Variants in CPSF3 observed in about 807,000 individuals in gnomAD.
CPSF3 encodes the protein cleavage and polyadenylation specificity factor subunit 3.
In CPSF3, 57 loss-of-function variants were observed where a neutral mutation model predicts 84.1. That is an observed-to-expected ratio of 0.68 (90% confidence interval 0.55 to 0.85). The LOEUF (loss-of-function observed/expected upper bound fraction) is 0.85, where lower values mean the gene tolerates loss of function less well. CPSF3 is among the 40% of genes least tolerant of loss of function. CPSF3 has a pLI of 0.00. For missense variants in CPSF3, 522 were observed against 838.8 expected, an observed-to-expected ratio of 0.62 and a Z score of 4.66; for synonymous variants, 275 against 278.1, an observed-to-expected ratio of 0.99 and a Z score of 0.11.
At chr2:9,439,742 A>C (rs1680907664) in intron 7 of CPSF3, among the ~76,000 whole-genome samples, 1 of 152,032 alleles carries the variant, frequency 6.6e-6, no homozygotes, top group Non-Finnish European at 1.5e-5. Context: ...TAATCCCAGC[A>C]CTTTGGGAAG....
chr2:9,472,722 C>T (rs1247521999), intron 17 of CPSF3, among the ~76,000 whole-genome samples, 194 bp from the exon 18 acceptor site: 2 of 152,134 alleles, frequency 1.3e-5, no homozygotes, highest in Non-Finnish European at 2.9e-5. Flanking sequence ...GGTGCAGTCA[C>T]AGCTCACTGC....
intron 1 of CPSF3, chr2:9,424,185 T>C (rs958031036): frequency 7.7e-6 from 8 of 1,032,390 alleles, no homozygotes; most frequent in African/African-American, 1.7e-5. Flanking sequence ...CCGGTGAAGC[T>C]TATGACCGAC....
chr2:9,431,216 C>T (rs1027892065), intron 4 of CPSF3, among the ~76,000 whole-genome samples: 1 of 152,156 alleles, frequency 6.6e-6, no homozygotes, highest in African/African-American at 2.4e-5. Flanking sequence ...GCCACCACAC[C>T]CAGCAGAGTT....
chr2:9,446,017 A>G (rs1681113717), intron 10 of CPSF3, among the ~76,000 whole-genome samples: 1 of 152,250 alleles, frequency 6.6e-6, no homozygotes, highest in African/African-American at 2.4e-5. Flanking sequence ...CACTTGGTCA[A>G]GGTTACACAG....
chr2:9,459,139 C>T (rs1336610102), intron 14 of CPSF3, among the ~76,000 whole-genome samples: 1 of 151,940 alleles, frequency 6.6e-6, no homozygotes, highest in Non-Finnish European at 1.5e-5. Context: ...ACCCTCTTCG[C>T]ATTCTGTCTG....
At chr2:9,426,898 T>C (rs1359535140) in intron 1 of CPSF3, among the ~76,000 whole-genome samples, 1 of 133,584 alleles carries the variant, frequency 7.5e-6, no homozygotes, top group Non-Finnish European at 1.6e-5. Context: ...AAGACTGAAA[T>C]GACTACTGAG....
At chr2:9,467,682 T>C (rs1049577599) in intron 15 of CPSF3, 25 bp from the exon 16 acceptor site, 1 of 1,566,690 alleles carries the variant, frequency 6.4e-7, no homozygotes, top group Non-Finnish European at 8.7e-7. Context: ...GAAACTGAAC[T>C]CTCTGTCGCT....
chr2:9,429,748 A>T (rs1680512879), intron 2 of CPSF3, among the ~76,000 whole-genome samples, 175 bp from the exon 3 acceptor site: 1 of 152,228 alleles, frequency 6.6e-6, no homozygotes, highest in Admixed American at 6.5e-5. Context: ...TTTGTTGGGA[A>T]GTTAGAATTG....
chr2:9,435,889 C>T (rs1289863549), intron 6 of CPSF3, among the ~76,000 whole-genome samples: 3 of 151,930 alleles, frequency 2.0e-5, no homozygotes, highest in Non-Finnish European at 2.9e-5. Flanking sequence ...CCCACCACCA[C>T]GCCCAGCTTA....
chr2:9,427,272 G>A (rs1680426317), intron 1 of CPSF3, among the ~76,000 whole-genome samples: 1 of 152,198 alleles, frequency 6.6e-6, no homozygotes, highest in Non-Finnish European at 1.5e-5. Flanking sequence ...AGACAGATGT[G>A]GGCAGGTTGG....
At position 9,443,564 on chromosome 2, in the gene CPSF3, T is replaced by A. The variant is rs1558455464; in HGVS notation, c.1145T>A (p.Leu382Ter). ...EEITTMSGQK[L>*]PLKMSVDYIS... Reference sequence around the variant, plus strand: ...ATCACTACTATGTCTGGACAGAAGTTACCACTGAAAATGTCTGTTGATTAC... The same window carrying A: ...ATCACTACTATGTCTGGACAGAAGTAACCACTGAAAATGTCTGTTGATTAC... The change falls in exon 10 of 18, where the codon TTA becomes TAA. Residue 382 changes from leucine to a stop codon, truncating the protein, a stop_gained. Transcript: ENST00000238112. LOFTEE classifies it high-confidence loss of function. 1.2e-6 allele frequency: 2 copies of A among 1,614,070 alleles called. No individual in the cohort carries two copies. Among genetic ancestry groups the A allele is most frequent in the African/African-American group, 2.7e-5 (2 of 74,938 alleles).
rs145195961 is a variant in CPSF3, at chr2:9,472,984, G to A, written c.2022G>A (p.Gln674=). The A allele has an allele frequency of 3.7e-6, 6 of 1,613,688 alleles. No homozygotes were observed. Among genetic ancestry groups the A allele is most frequent in the Non-Finnish European group, 5.1e-6 (6 of 1,179,866 alleles). Residue 674 remains glutamine (Q), a synonymous_variant, in exon 18 of 18, where the codon CAG becomes CAA. Transcript: ENST00000238112. ...SLREMVELAA[Q]RLYEALTPVH ...GAGAAATGGTGGAGCTGGCTGCACA[G>A]AGACTGTACGAGGCCCTGACGCCAG...
intron 15 of CPSF3, among the ~76,000 whole-genome samples, chr2:9,466,226 A>G (rs1339732086): frequency 1.0e-4 from 15 of 149,756 alleles, no homozygotes; most frequent in African/African-American, 2.7e-4. Context: ...ACGCACGCAC[A>G]CACACACGTG....
intron 1 of CPSF3, chr2:9,424,240 G>A: frequency 1.0e-6 from 1 of 993,264 alleles, no homozygotes; most frequent in Non-Finnish European, 1.2e-6. Flanking sequence ...GTGCAGGGAA[G>A]AATTAAGTCT....
intron 1 of CPSF3, chr2:9,424,043 T>G: frequency 7.8e-7 from 1 of 1,281,288 alleles, no homozygotes. Flanking sequence ...TTCATCAGTT[T>G]CAGGGGAGGG....
intron 15 of CPSF3, among the ~76,000 whole-genome samples, chr2:9,463,455 T>A (rs1681799902): frequency 6.6e-6 from 1 of 152,176 alleles, no homozygotes. Flanking sequence ...GTATTTCCTG[T>A]TGGATTAGCT....
At chr2:9,464,374 G>A (rs1413387954) in intron 15 of CPSF3, among the ~76,000 whole-genome samples, 4 of 151,596 alleles carry the variant, frequency 2.6e-5, no homozygotes, top group Non-Finnish European at 4.4e-5. Flanking sequence ...ATATACACAC[G>A]TAAACTTTGG....
intron 1 of CPSF3, 85 bp downstream of exon 1, chr2:9,423,908 G>C (rs1680219408): frequency 6.4e-7 from 1 of 1,557,354 alleles, no homozygotes; most frequent in African/African-American, 1.4e-5. Flanking sequence ...TCCGTCGCCC[G>C]CGCTCCCACC....
At chr2:9,440,118 C>T (rs980245864) in intron 7 of CPSF3, among the ~76,000 whole-genome samples, 1 of 151,790 alleles carries the variant, frequency 6.6e-6, no homozygotes, top group Non-Finnish European at 1.5e-5. Context: ...TTTTTAAAAC[C>T]ATCACAGAAT....
Sources: gnomAD v4.1 joint callset for allele counts (sites outside exome capture counted in the v4.1 genomes callset) on GRCh38, gnomAD v4.1.1 for gene constraint, MANE v1.5 for transcripts, NCBI Gene and HGNC (gene_info 2026-07-23, HGNC 2026-07-21) for gene names.